The following CCR5AS variants were observed in gnomAD, a reference collection of about 807,000 sequenced individuals.
The protein encoded by CCR5AS is CCR5 antisense RNA.
At chr3:46,391,453 T>C (rs1218499235) in intron 2 of CCR5AS, among the ~76,000 whole-genome samples, 3 of 152,066 alleles carry the variant, frequency 2.0e-5, no homozygotes, top group African/African-American at 7.3e-5. Flanking sequence ...CAGGAGCAGA[T>C]TGGGTAATAA....
intron 2 of CCR5AS, among the ~76,000 whole-genome samples, chr3:46,376,523 A>G (rs555631895): frequency 6.6e-6 from 1 of 152,208 alleles, no homozygotes; most frequent in East Asian, 1.9e-4. Context: ...AAGAATTGCC[A>G]TGTTTTAAAA....
At chr3:46,373,816 G>A in intron 2 of CCR5AS, 1 of 1,614,034 alleles carries the variant, frequency 6.2e-7, no homozygotes, top group South Asian at 1.1e-5. Context: ...GAGAAGTTCA[G>A]AAACTACCTC....
intron 2 of CCR5AS, among the ~76,000 whole-genome samples, chr3:46,387,616 G>A (rs886862698): frequency 3.9e-5 from 6 of 152,162 alleles, no homozygotes; most frequent in Admixed American, 2.6e-4. Flanking sequence ...GGGGGTGGTG[G>A]TGTGCACCTG....
intron 2 of CCR5AS, among the ~76,000 whole-genome samples, chr3:46,378,757 C>G (rs1161423043): frequency 6.6e-6 from 1 of 152,166 alleles, no homozygotes; most frequent in Non-Finnish European, 1.5e-5. Context: ...AGAGGAGTCT[C>G]CATTCGGGGT....
At chr3:46,386,359 A>G (rs536482569) in intron 2 of CCR5AS, among the ~76,000 whole-genome samples, 10 of 152,350 alleles carry the variant, frequency 6.6e-5, no homozygotes, top group African/African-American at 2.2e-4. Context: ...ACCAGTGTTT[A>G]GGGACCTCCC....
intron 1 of CCR5AS, among the ~76,000 whole-genome samples, chr3:46,401,649 G>A (rs567010912): frequency 3.9e-5 from 6 of 152,288 alleles, no homozygotes; most frequent in South Asian, 2.1e-4. Context: ...TGGCATGAAC[G>A]CAGACATGGG....
chr3:46,376,768 G>A (rs1459242350), intron 2 of CCR5AS, among the ~76,000 whole-genome samples: 1 of 152,220 alleles, frequency 6.6e-6, no homozygotes, highest in African/African-American at 2.4e-5. Context: ...GAGGACAGGT[G>A]CTACAGGTGG....
intron 2 of CCR5AS, among the ~76,000 whole-genome samples, chr3:46,377,469 A>G (rs1701773207): frequency 6.6e-6 from 1 of 152,224 alleles, no homozygotes; most frequent in Non-Finnish European, 1.5e-5. Flanking sequence ...GATTCTGTTT[A>G]CATTTTGTAC....
chr3:46,372,811 G>T, intron 2 of CCR5AS: 1 of 954,234 alleles, frequency 1.0e-6, no homozygotes, highest in South Asian at 1.7e-5. Context: ...ACCTATTGAT[G>T]TATAAAACAG....
intron 2 of CCR5AS, chr3:46,373,169 T>C (rs750809479): frequency 6.2e-7 from 1 of 1,614,150 alleles, no homozygotes; most frequent in Non-Finnish European, 8.5e-7. Context: ...GGGCTCACTA[T>C]GCTGCCGCCC....
At chr3:46,367,968 G>A (rs552908743) in intron 3 of CCR5AS, among the ~76,000 whole-genome samples, 2 of 152,304 alleles carry the variant, frequency 1.3e-5, no homozygotes, top group East Asian at 3.9e-4. Flanking sequence ...CAGGCCCCAG[G>A]GATTTTCACA....
chr3:46,406,181 C>T (rs1702045236), intron 1 of CCR5AS, among the ~76,000 whole-genome samples: 1 of 152,122 alleles, frequency 6.6e-6, no homozygotes, highest in Non-Finnish European at 1.5e-5. Flanking sequence ...AGGCTAGTTT[C>T]TTAATTTTCT....
At chr3:46,395,727 A>G (rs1701955993) in intron 1 of CCR5AS, among the ~76,000 whole-genome samples, 1 of 152,152 alleles carries the variant, frequency 6.6e-6, no homozygotes, top group Non-Finnish European at 1.5e-5. Flanking sequence ...GGCTCTCCTG[A>G]GAGGACAGGA....
chr3:46,377,099 C>T (rs1331646878), intron 2 of CCR5AS, among the ~76,000 whole-genome samples: 2 of 152,132 alleles, frequency 1.3e-5, no homozygotes, highest in African/African-American at 2.4e-5. Context: ...GAAGGCAGTG[C>T]GGCAGGGAGG....
intron 2 of CCR5AS, among the ~76,000 whole-genome samples, chr3:46,377,690 A>G (rs993191542): frequency 6.6e-6 from 1 of 152,162 alleles, no homozygotes; most frequent in African/African-American, 2.4e-5. Flanking sequence ...AATGTGAACC[A>G]GAAAACAAAT....
intron 2 of CCR5AS, among the ~76,000 whole-genome samples, chr3:46,387,394 A>G (rs1701873553): frequency 1.3e-5 from 2 of 152,140 alleles, no homozygotes; most frequent in Admixed American, 6.5e-5. Context: ...CTTTATTGCT[A>G]GGCAAACCTG....
intron 1 of CCR5AS, among the ~76,000 whole-genome samples, chr3:46,394,467 C>A (rs1166059877): frequency 6.6e-6 from 1 of 152,210 alleles, no homozygotes; most frequent in Non-Finnish European, 1.5e-5. Flanking sequence ...TTCACCCACT[C>A]ATTCCTGTCA....
intron 1 of CCR5AS, among the ~76,000 whole-genome samples, chr3:46,400,160 T>G (rs1701994754): frequency 6.6e-6 from 1 of 152,042 alleles, no homozygotes; most frequent in African/African-American, 2.4e-5. Flanking sequence ...CCCAGCTATA[T>G]TTTGTACATT....
At chr3:46,386,074 G>A (rs1332279978) in intron 2 of CCR5AS, among the ~76,000 whole-genome samples, 1 of 151,974 alleles carries the variant, frequency 6.6e-6, no homozygotes, top group South Asian at 2.1e-4. Flanking sequence ...ACCACACCTG[G>A]CTAATATTTT....
Sources: allele counts gnomAD v4.1 joint callset (sites outside exome capture counted in the v4.1 genomes callset), GRCh38; gene constraint gnomAD v4.1.1; transcripts MANE v1.5; gene names NCBI Gene and HGNC (gene_info 2026-07-23, HGNC 2026-07-21).